The following TACC2 variants were observed in gnomAD, a reference collection of about 807,000 sequenced individuals.
The protein encoded by TACC2 is transforming acidic coiled-coil-containing protein 2.
A neutral mutation model predicts 227.3 loss-of-function variants in TACC2; 137 were observed. That is an observed-to-expected ratio of 0.60 (90% CI 0.52 to 0.69). The LOEUF is 0.69. TACC2 is among the 30% of genes least tolerant of loss of function. TACC2 has a pLI of 0.00. For synonymous variants in TACC2, 1,523 were observed against 1,487.5 expected (o/e 1.02, Z -0.55); for missense variants, 3,470 against 3,694.4 (o/e 0.94, Z 1.57).
At chr10:122,000,848 T>C (rs932662332) in intron 1 of TACC2, among the ~76,000 whole-genome samples, 2 of 152,174 alleles carry the variant, frequency 1.3e-5, no homozygotes, top group Admixed American at 1.3e-4. Context: ...AAAGTCTCAC[T>C]CTGTCACTGT....
At chr10:122,019,145 G>A (rs1957037331) in intron 1 of TACC2, among the ~76,000 whole-genome samples, 1 of 152,204 alleles carries the variant, frequency 6.6e-6, no homozygotes, top group African/African-American at 2.4e-5. Flanking sequence ...CCCCACCGGA[G>A]GTCCACAGGG....
At chr10:122,139,803 A>T (rs1257447909) in intron 6 of TACC2, among the ~76,000 whole-genome samples, 1 of 152,178 alleles carries the variant, frequency 6.6e-6, no homozygotes, top group Non-Finnish European at 1.5e-5. Flanking sequence ...GCTGTCACCC[A>T]TCTGGCCAAC....
At chr10:122,054,101 G>A (rs1189435930) in intron 3 of TACC2, among the ~76,000 whole-genome samples, 2 of 152,098 alleles carry the variant, frequency 1.3e-5, no homozygotes, top group African/African-American at 4.8e-5. Flanking sequence ...GTTTCTCCTC[G>A]AGGCTCTTCC....
At chr10:122,145,836 C>T (rs983454090) in intron 7 of TACC2, among the ~76,000 whole-genome samples, 4 of 152,146 alleles carry the variant, frequency 2.6e-5, no homozygotes, top group Non-Finnish European at 4.4e-5. Context: ...GATGGGCTCA[C>T]GGCTCTCAAC....
At chr10:122,237,601 C>A in intron 17 of TACC2, 63 bp downstream of exon 17, 1 of 1,558,872 alleles carries the variant, frequency 6.4e-7, no homozygotes, top group South Asian at 1.2e-5. Context: ...TGCTCGTGGT[C>A]CACAAAGCCA....
intron 7 of TACC2, among the ~76,000 whole-genome samples, chr10:122,146,094 AG>A (rs1565431305): frequency 6.6e-6 from 1 of 152,178 alleles, no homozygotes; most frequent in East Asian, 1.9e-4. Context: ...GGAGAAGTGC[AG>A]CACCCTGGAT....
Position 122,087,780 on chromosome 10 carries a change from T to C in TACC2, c.5280T>C (p.Gly1760=), listed in dbSNP as rs2080247119. The change falls in exon 4 of 23, where the codon GGT becomes GGC. Residue 1760 remains glycine, a synonymous_variant. Transcript: ENST00000369005. ...CTGACAAGGCTCCGGGGATGGAGGG[T>C]ACAGCTGCCCTTCATGGGGACAGCC... ...ACSDKAPGME[G]TAALHGDSPA... 5 of 1,600,870 alleles carry C rather than the reference T, an allele frequency of 3.1e-6. No homozygotes were observed. Among genetic ancestry groups the C allele is most frequent in the Non-Finnish European group, 3.4e-6 (4 of 1,173,180 alleles).
At chr10:122,056,277 C>T (rs773868303) in intron 3 of TACC2, among the ~76,000 whole-genome samples, 22 of 152,210 alleles carry the variant, frequency 1.4e-4, no homozygotes, top group Non-Finnish European at 2.4e-4. Context: ...CGGGTTCTAG[C>T]GTTTCTCCTG....
At position 122,087,497 on chromosome 10, in the gene TACC2, C is replaced by G; in HGVS notation, c.4997C>G (p.Ala1666Gly). Reference sequence around the variant, plus strand: ...GGTGAAAGGAGACCCGGAGTCACTGCTGGCATCTTGGAAATGCGAAATGCC... The same window carrying G: ...GGTGAAAGGAGACCCGGAGTCACTGGTGGCATCTTGGAAATGCGAAATGCC... ...LGGERRPGVT[A>G]GILEMRNALG... The change falls in exon 4 of 23, where the codon GCT becomes GGT. Residue 1666 changes from alanine to glycine, a missense_variant. Ala to Gly is a moderately conservative substitution (Grantham distance 60). Coordinates refer to ENST00000369005, the MANE Select transcript of TACC2 (RefSeq NM_206862.4). 6.2e-7 allele frequency: 1 copy of G among 1,614,016 alleles called. No individual in the cohort carries two copies.
At chr10:122,017,848 A>G (rs1341081105) in intron 1 of TACC2, among the ~76,000 whole-genome samples, 1 of 150,638 alleles carries the variant, frequency 6.6e-6, no homozygotes, top group African/African-American at 2.4e-5. Flanking sequence ...AGACAAAGAA[A>G]AGAAAAAGAA....
At chr10:122,217,437 C>CTTTTTTTTTTTTTTTTTTTTTTTTT (rs35233150) in intron 11 of TACC2, among the ~76,000 whole-genome samples, 1 of 93,256 alleles carries the variant, frequency 1.1e-5, no homozygotes, top group Non-Finnish European at 2.1e-5. Flanking sequence ...TTTCTTTTTT[C>CTTTTTTTTTTTTTTTTTTTTTTTTT]TTTTTTTTTT....
chr10:122,174,001 G>A (rs963606619), intron 7 of TACC2, among the ~76,000 whole-genome samples: 4 of 152,196 alleles, frequency 2.6e-5, no homozygotes, highest in African/African-American at 4.8e-5. Flanking sequence ...TGCGGCCAGC[G>A]GAGCTCTTCT....
intron 7 of TACC2, among the ~76,000 whole-genome samples, chr10:122,173,689 T>G (rs2093583098): frequency 6.6e-6 from 1 of 152,202 alleles, no homozygotes; most frequent in Admixed American, 6.5e-5. Context: ...GGAAAACATG[T>G]CTGTGGAAGG....
At chr10:122,245,812 G>T (rs1226742884) in intron 19 of TACC2, among the ~76,000 whole-genome samples, 1 of 152,126 alleles carries the variant, frequency 6.6e-6, no homozygotes, top group Admixed American at 6.5e-5. Context: ...TCCTGCAAAT[G>T]CCAGGAGATA....
At chr10:122,158,727 T>C (rs1356656007) in intron 7 of TACC2, among the ~76,000 whole-genome samples, 6 of 152,226 alleles carry the variant, frequency 3.9e-5, no homozygotes, top group Non-Finnish European at 8.8e-5. Context: ...AGCTTGTACT[T>C]AAGCCCAAGA....
chr10:122,156,414 C>T lies in TACC2; in HGVS notation c.5834+12708C>T, dbSNP rs555095565. 6.6e-5 allele frequency among the ~76,000 whole-genome samples: 10 copies of T among 151,318 alleles called. No individual in the cohort carries two copies. The East Asian group carries it at 1.6e-3, about 24-fold the overall frequency. On this transcript the variant is annotated intron_variant, in intron 7 of 22. Transcript: ENST00000369005. ...AATTTTTTTGTATTTTTAGTAGAGACGAGGTTTCACCGTGTTAGCCAGGAT... is the reference window on the plus strand; with the variant it reads ...AATTTTTTTGTATTTTTAGTAGAGATGAGGTTTCACCGTGTTAGCCAGGAT...
At chr10:122,161,648 G>A (rs2092818294) in intron 7 of TACC2, among the ~76,000 whole-genome samples, 1 of 152,250 alleles carries the variant, frequency 6.6e-6, no homozygotes, top group South Asian at 2.1e-4. Context: ...TTAAGGCTAA[G>A]GACGTTTAGA....
chr10:122,056,279 T>A (rs1473376084), intron 3 of TACC2, among the ~76,000 whole-genome samples: 1 of 152,038 alleles, frequency 6.6e-6, no homozygotes, highest in Non-Finnish European at 1.5e-5. Context: ...GGTTCTAGCG[T>A]TTCTCCTGCC....
At chr10:122,139,550 A>G (rs2090228379) in intron 6 of TACC2, among the ~76,000 whole-genome samples, 1 of 152,132 alleles carries the variant, frequency 6.6e-6, no homozygotes, top group Admixed American at 6.5e-5. Context: ...CCTCCGTGGG[A>G]CTGGCTGTCC....
Sources: allele counts gnomAD v4.1 joint callset (sites outside exome capture counted in the v4.1 genomes callset), GRCh38; gene constraint gnomAD v4.1.1; transcripts MANE v1.5; gene names NCBI Gene and HGNC (gene_info 2026-07-23, HGNC 2026-07-21).